The following EIF2AK3 variants were observed in gnomAD, a reference collection of about 807,000 sequenced individuals.
EIF2AK3 encodes eukaryotic translation initiation factor 2-alpha kinase 3.
EIF2AK3 carries 50 observed loss-of-function variants against 113.5 expected under a neutral mutation model. The observed-to-expected ratio is 0.44, with a 90% CI of 0.35 to 0.56. The LOEUF is 0.56. Ranked by LOEUF, EIF2AK3 falls within the 20% of genes least tolerant of loss-of-function variation. EIF2AK3 has a pLI of 0.00. For missense variants in EIF2AK3, 1,185 were observed against 1,378.0 expected, an observed-to-expected ratio of 0.86 and a Z score of 2.22; for synonymous variants, 448 against 495.4, an observed-to-expected ratio of 0.90 and a Z score of 1.27.
intron 2 of EIF2AK3, among the ~76,000 whole-genome samples, chr2:88,608,501 C>T (rs1338416276): frequency 6.6e-6 from 1 of 152,070 alleles, no homozygotes; most frequent in Non-Finnish European, 1.5e-5. Flanking sequence ...TTTCTGCCTG[C>T]TACAACTGGC....
intron 2 of EIF2AK3, among the ~76,000 whole-genome samples, chr2:88,606,649 G>A (rs1041618227): frequency 3.3e-5 from 5 of 152,192 alleles, no homozygotes; most frequent in African/African-American, 1.2e-4. Flanking sequence ...CTTTAAAAGA[G>A]ATTACAGATC....
chr2:88,617,327 T>C (rs1048390605), intron 1 of EIF2AK3, among the ~76,000 whole-genome samples: 3 of 152,334 alleles, frequency 2.0e-5, no homozygotes, highest in South Asian at 2.1e-4. Context: ...GATGAAATCA[T>C]GTCCTTTGCA....
intron 13 of EIF2AK3, among the ~76,000 whole-genome samples, chr2:88,572,553 C>G (rs1674340097): frequency 6.6e-6 from 1 of 152,090 alleles, no homozygotes; most frequent in African/African-American, 2.4e-5. Flanking sequence ...CACCCTCTAC[C>G]CCACCAACTC....
chr2:88,581,672 A>G (rs1482048942), intron 10 of EIF2AK3, among the ~76,000 whole-genome samples: 1 of 152,208 alleles, frequency 6.6e-6, no homozygotes, highest in Non-Finnish European at 1.5e-5. Flanking sequence ...GAGTTGTTGG[A>G]TCCTTTATTC....
intron 15 of EIF2AK3, among the ~76,000 whole-genome samples, chr2:88,560,358 G>A (rs1370432487): frequency 6.6e-6 from 1 of 152,010 alleles, no homozygotes; most frequent in African/African-American, 2.4e-5. Flanking sequence ...GACACTTTTC[G>A]GATATAGGAT....
rs990293614 is a variant in EIF2AK3, at chr2:88,588,092, C to T, written c.1319G>A (p.Arg440Lys). Residue 440 changes from arginine (R) to lysine (K), a missense_variant, in exon 8 of 17, where the codon AGA becomes AAA. This residue lies in a region of EIF2AK3 where 877 missense variants were observed against 1,024.2 expected (regional missense o/e 0.86). Transcript: ENST00000303236. ...ATCAGATCCTACCAAGACAGGAGTTCTGGAAGGAGAATCTAAAAGAAAATT... is the reference window on the plus strand; with the variant it reads ...ATCAGATCCTACCAAGACAGGAGTTTTGGAAGGAGAATCTAAAAGAAAATT... ...KWKPLIHSPS[R>K]TPVLVGSDEF... 6.7e-7 allele frequency: 1 copy of T among 1,487,024 alleles called. No homozygotes were observed. Among genetic ancestry groups the T allele is most frequent in the Admixed American group, 1.7e-5 (1 of 58,652 alleles). The allele number at this position is 1,487,024 out of a possible 1,614,324, so 92.1% of individuals were successfully genotyped here. A position where few individuals can be genotyped will look rare whatever the true frequency, so the allele number is the denominator to read the frequency against.
At chr2:88,560,745 GT>G (rs78200500) in intron 15 of EIF2AK3, among the ~76,000 whole-genome samples, 1,895 of 130,880 alleles carry the variant, frequency 0.014, 41 homozygotes, top group African/African-American at 0.042. Flanking sequence ...TATTTTGACT[GT>G]TTTTTTTTTT....
rs1378858666 is a variant in EIF2AK3 at position 88,627,261 on chromosome 2, A to C, written c.14T>G (p.Ile5Ser). The change falls in exon 1 of 17, where the codon ATC (isoleucine) becomes AGC (serine). Residue 5 changes from isoleucine to serine, a missense_variant. This residue lies in a region of EIF2AK3 where 189 missense variants were observed against 175.2 expected (regional missense o/e 1.08). Transcript: ENST00000303236. MERA[I>S]SPGLLVRALL... The stretch of plus-strand genomic sequence containing the variant: ...CGCCCGTACCAGCAGCCCCGGGCTG[A>C]TGGCGCGCTCCATCAGCGTCCCGCC... The C allele has an allele frequency of 6.7e-7, 1 of 1,485,454 alleles. No individual in the cohort carries two copies. Among genetic ancestry groups the C allele is most frequent in the Non-Finnish European group, 8.9e-7 (1 of 1,123,438 alleles). 92.0% of individuals were successfully genotyped at this position (1,485,454 alleles called of 1,614,324 possible). A position where few individuals can be genotyped will look rare whatever the true frequency, so the allele number is the denominator to read the frequency against.
intron 13 of EIF2AK3, among the ~76,000 whole-genome samples, chr2:88,572,059 A>T (rs1674326398): frequency 6.6e-6 from 1 of 152,214 alleles, no homozygotes; most frequent in Admixed American, 6.5e-5. Context: ...TGTTTCAAAT[A>T]CTGCCAGAAA....
At chr2:88,625,536 A>G (rs1675838855) in intron 1 of EIF2AK3, among the ~76,000 whole-genome samples, 1 of 152,154 alleles carries the variant, frequency 6.6e-6, no homozygotes. Flanking sequence ...GACATCCCTG[A>G]CACTGGCACT....
intron 11 of EIF2AK3, among the ~76,000 whole-genome samples, chr2:88,578,753 C>T (rs1056033088): frequency 6.6e-6 from 1 of 151,162 alleles, no homozygotes; most frequent in Non-Finnish European, 1.5e-5. Flanking sequence ...ACCCTATCAT[C>T]TTAAGCATCA....
chr2:88,571,159 T>C lies in EIF2AK3; in HGVS notation c.2818-118A>G, dbSNP rs906403595. ...AACAAACTAGATATTTTCAAGCATA[T>C]TTCTTTTTAAAATGGGCTAACAGGA... is the stretch of plus-strand genomic sequence containing the variant. On this transcript the variant is annotated intron_variant, in intron 13 of 16. Coordinates refer to ENST00000303236, the MANE Select transcript of EIF2AK3 (RefSeq NM_004836.7). 3.7e-5 allele frequency: 47 copies of C among 1,274,562 alleles called. No homozygotes were observed. The Admixed American group carries it at 8.5e-4, about 23-fold the overall frequency. 79.0% of individuals were successfully genotyped at this position (1,274,562 alleles called of 1,614,324 possible).
chr2:88,587,232 AGAT>A (rs1301106880), intron 8 of EIF2AK3, among the ~76,000 whole-genome samples: 4 of 147,218 alleles, frequency 2.7e-5, no homozygotes, highest in East Asian at 4.1e-4. Flanking sequence ...AAAAAAAAAA[AGAT>A]AAAGGCTGCT....
chr2:88,626,478 C>T (rs1208398603), intron 1 of EIF2AK3, among the ~76,000 whole-genome samples: 1 of 152,150 alleles, frequency 6.6e-6, no homozygotes, highest in Non-Finnish European at 1.5e-5. Context: ...GCAGGTGTTC[C>T]GCAGATCTCA....
At chr2:88,602,042 A>G (rs1238344863) in intron 2 of EIF2AK3, among the ~76,000 whole-genome samples, 2 of 151,724 alleles carry the variant, frequency 1.3e-5, no homozygotes, top group African/African-American at 4.8e-5. Context: ...TAGTAGAGAC[A>G]GGGTTTCACC....
At chr2:88,607,345 A>G (rs1282073393) in intron 2 of EIF2AK3, among the ~76,000 whole-genome samples, 1 of 152,250 alleles carries the variant, frequency 6.6e-6, no homozygotes, top group Non-Finnish European at 1.5e-5. Context: ...TCTGAAAATT[A>G]AAAACAAAAT....
At chr2:88,571,068 A>G in intron 13 of EIF2AK3, 27 bp from the exon 14 acceptor site, 1 of 1,613,808 alleles carries the variant, frequency 6.2e-7, no homozygotes. Context: ...AGACAAAAGT[A>G]CAGTGGGTGT....
chr2:88,569,498 T>G (rs1674233886), intron 14 of EIF2AK3, among the ~76,000 whole-genome samples: 1 of 152,198 alleles, frequency 6.6e-6, no homozygotes, highest in South Asian at 2.1e-4. Flanking sequence ...CCAGTGGGAA[T>G]TTGATAGCCT....
rs571030291 is a variant in EIF2AK3, at chr2:88,557,349, C to T, written c.*387G>A. 84 of 207,258 alleles carry T rather than the reference C, an allele frequency of 4.1e-4. No individual in the cohort carries two copies. Among genetic ancestry groups the T allele is most frequent in the African/African-American group, 1.9e-3 (81 of 43,256 alleles). 12.8% of individuals were successfully genotyped at this position (207,258 alleles called of 1,614,324 possible). On this transcript the variant is annotated 3_prime_UTR_variant, in exon 17 of 17. Coordinates refer to ENST00000303236, the MANE Select transcript of EIF2AK3 (RefSeq NM_004836.7). ...CATCATATCTCTAGAAAGCATATTT[C>T]TAGAACAATACAGTTACCACACAGG... is the stretch of plus-strand genomic sequence containing the variant.
Sources: gnomAD v4.1 joint callset for allele counts (sites outside exome capture counted in the v4.1 genomes callset) on GRCh38, gnomAD v4.1.1 for gene constraint, gnomAD v4.1.1 regional missense constraint, MANE v1.5 for transcripts, NCBI Gene and HGNC (gene_info 2026-07-23, HGNC 2026-07-21) for gene names.